DMD: variants seen among roughly 807,000 people sequenced by gnomAD.
The protein encoded by DMD is mutant dystrophin.
DMD carries 63 observed loss-of-function variants against 330.1 expected under a neutral mutation model. The observed-to-expected ratio is 0.19, with a 90% CI of 0.16 to 0.24. DMD has a LOEUF of 0.24. Among genes scored for constraint, DMD ranks in the 10% least tolerant of loss-of-function variants. DMD has a pLI of 1.00. For missense variants in DMD, 3,344 were observed against 2,684.1 expected, an observed-to-expected ratio of 1.25 and a Z score of -5.43; for synonymous variants, 1,223 against 959.8, an observed-to-expected ratio of 1.27 and a Z score of -5.07.
Position 32,645,065 on chromosome X carries a change from C to T in DMD, c.1048G>A (p.Glu350Lys). 1 of 1,211,653 alleles carries T rather than the reference C, an allele frequency of 8.3e-7. No homozygotes were observed. Among genetic ancestry groups the T allele is most frequent in the Non-Finnish European group, 1.1e-6 (1 of 895,461 alleles). ...NLDRYQTALE[E>K]VLSWLLSAED... Reference sequence around the variant, plus strand: ...GCAGAAAGAAGCCACGATAATACTTCTTCTAAAGCTGTTTGATAACGGTCC... The same window carrying T: ...GCAGAAAGAAGCCACGATAATACTTTTTCTAAAGCTGTTTGATAACGGTCC... The change falls in exon 10 of 79, where the codon GAA (glutamate) becomes AAA (lysine). Residue 350 changes from glutamate to lysine, a missense_variant. Glu to Lys is a moderately conservative substitution (Grantham distance 56, BLOSUM62 1). Transcript: ENST00000357033.
At chrX:31,337,214 C>T (rs1446299016) in intron 61 of DMD, among the ~76,000 whole-genome samples, 2 of 110,713 alleles carry the variant, frequency 1.8e-5, no homozygotes, top group African/African-American at 3.3e-5. Flanking sequence ...TGAGCCACCG[C>T]GCCCGGCCCA....
At chrX:32,939,373 T>A (rs759294967) in intron 2 of DMD, among the ~76,000 whole-genome samples, 1 of 110,039 alleles carries the variant, frequency 9.1e-6, no homozygotes, top group East Asian at 2.8e-4. Context: ...TTAGTGGTGT[T>A]CCTTCCTTAT....
intron 44 of DMD, among the ~76,000 whole-genome samples, chrX:32,011,685 C>T (rs1270767517): frequency 9.0e-6 from 1 of 111,168 alleles, no homozygotes; most frequent in Non-Finnish European, 1.9e-5. Flanking sequence ...TCCTAGCTGC[C>T]TCCAGACGAC....
At chrX:31,224,218 C>A (rs888841620) in intron 63 of DMD, among the ~76,000 whole-genome samples, 6 of 111,954 alleles carry the variant, frequency 5.4e-5, no homozygotes, top group African/African-American at 2.0e-4. Flanking sequence ...CATGGACCGA[C>A]TGACCAACTG....
At chrX:31,834,119 G>A (rs1249785299) in intron 49 of DMD, among the ~76,000 whole-genome samples, 2 of 111,411 alleles carry the variant, frequency 1.8e-5, no homozygotes, top group African/African-American at 6.5e-5. Flanking sequence ...TGGACTCAAA[G>A]TTTAAAAAGG....
In DMD at chrX:33,239,187, G is replaced by A. The variant is rs753039060; in HGVS notation, c.7+100072C>T. ...CAGGAGAATCACTTGAACCCCGGAG[G>A]TGGAGGTTGCAGTGAGCCGAGATCC... On this transcript the variant is annotated intron_variant, in intron 1 of 17. Coordinates refer to the DMD transcript ENST00000288447. Among the ~76,000 whole-genome samples the A allele has an allele frequency of 1.2e-4, 12 of 103,954 alleles. No homozygotes were observed. In the East Asian group the frequency reaches 2.1e-3, roughly 18 times the overall value. 90.3% of individuals were successfully genotyped at this position (103,954 alleles called of 115,157 possible).
chrX:31,579,312 T>A (rs189003952), intron 55 of DMD, among the ~76,000 whole-genome samples: 1 of 112,378 alleles, frequency 8.9e-6, no homozygotes, highest in East Asian at 2.8e-4. Flanking sequence ...ATGTCAAGAT[T>A]AGCAAGCTTC....
intron 55 of DMD, among the ~76,000 whole-genome samples, chrX:31,580,620 TA>T (rs2076298139): frequency 8.9e-6 from 1 of 112,114 alleles, no homozygotes; most frequent in South Asian, 3.8e-4. Flanking sequence ...GATACAGACA[TA>T]AAATGATACT....
chrX:31,967,103 T>C (rs1486626963), intron 45 of DMD, among the ~76,000 whole-genome samples: 1 of 110,456 alleles, frequency 9.1e-6, no homozygotes, highest in Non-Finnish European at 1.9e-5. Context: ...GTTATCTAAA[T>C]AATAAAATAC....
chrX:31,144,832 C>G (rs1182813954), intron 76 of DMD, among the ~76,000 whole-genome samples: 2 of 111,400 alleles, frequency 1.8e-5, no homozygotes, highest in Non-Finnish European at 3.8e-5. Flanking sequence ...TATTTGTGGC[C>G]TTCATAAAAC....
At chrX:32,303,981 C>G (rs1250253818) in intron 42 of DMD, among the ~76,000 whole-genome samples, 2 of 111,086 alleles carry the variant, frequency 1.8e-5, no homozygotes, top group East Asian at 2.8e-4. Context: ...TTTGGTGGCT[C>G]TATGGTAAGG....
chrX:33,126,636 G>A (rs1243806812), intron 1 of DMD, among the ~76,000 whole-genome samples: 4 of 111,686 alleles, frequency 3.6e-5, no homozygotes, highest in Admixed American at 9.6e-5. Context: ...CATAAATCAA[G>A]GACTCTATAA....
intron 12 of DMD, among the ~76,000 whole-genome samples, chrX:32,603,301 T>G (rs185212296): frequency 1.7e-3 from 194 of 111,463 alleles, no homozygotes; most frequent in African/African-American, 6.1e-3. Context: ...AAATTAAAAC[T>G]TTTTGAAACA....
intron 50 of DMD, among the ~76,000 whole-genome samples, chrX:31,783,053 C>A (rs769028781): frequency 3.0e-4 from 33 of 111,531 alleles, no homozygotes; most frequent in African/African-American, 8.5e-4. Flanking sequence ...TAATAAAGAC[C>A]ACGCTATTGA....
intron 44 of DMD, among the ~76,000 whole-genome samples, chrX:32,133,011 T>C (rs1420421827): frequency 4.6e-5 from 4 of 87,388 alleles, no homozygotes; most frequent in Admixed American, 1.3e-4. Context: ...TTTTTTTTTT[T>C]TTTTTTTTTT....
chrX:32,376,827 C>T (rs1442221307), intron 34 of DMD, among the ~76,000 whole-genome samples: 2 of 110,136 alleles, frequency 1.8e-5, no homozygotes, highest in Non-Finnish European at 3.8e-5. Flanking sequence ...GTAAGCCAGA[C>T]CAGATTGCTT....
At chrX:32,047,490 T>C (rs764015174) in intron 44 of DMD, among the ~76,000 whole-genome samples, 2 of 111,935 alleles carry the variant, frequency 1.8e-5, no homozygotes, top group African/African-American at 6.5e-5. Context: ...AAAACATTCC[T>C]AAAATCTTTG....
At chrX:33,271,314 T>TA (rs1303586748) in intron 1 of DMD, among the ~76,000 whole-genome samples, 32 of 109,918 alleles carry the variant, frequency 2.9e-4, no homozygotes, top group African/African-American at 8.9e-4. Flanking sequence ...ATCAAAGGTG[T>TA]AAAAAATTAA....
At chrX:32,589,854 C>A (rs17318245) in intron 13 of DMD, among the ~76,000 whole-genome samples, 3,118 of 111,088 alleles carry the variant, frequency 0.028, 40 homozygotes, top group East Asian at 0.057. Context: ...ACACAGAGCC[C>A]CAGCTAAATC....
Sources: gnomAD v4.1 joint callset for allele counts (sites outside exome capture counted in the v4.1 genomes callset) on GRCh38, gnomAD v4.1.1 for gene constraint, MANE v1.5 for transcripts, NCBI Gene and HGNC (gene_info 2026-07-23, HGNC 2026-07-21) for gene names.